The following AGBL3 variants were observed in gnomAD, a reference collection of about 807,000 sequenced individuals.
AGBL3 encodes the protein cytosolic carboxypeptidase 3.
AGBL3 carries 68 observed loss-of-function variants against 94.5 expected under a neutral mutation model. That is an observed-to-expected ratio of 0.72 (90% CI 0.59 to 0.88). The LOEUF (loss-of-function observed/expected upper bound fraction) is 0.88. Ranked by LOEUF, AGBL3 falls within the 40% of genes least tolerant of loss-of-function variation. The pLI, the probability that AGBL3 is intolerant of heterozygous loss-of-function variation, is 0.00. For missense variants in AGBL3, 934 were observed against 1,103.8 expected (o/e 0.85, Z 2.18); for synonymous variants, 354 against 370.7 (o/e 0.95, Z 0.52).
intron 15 of AGBL3, among the ~76,000 whole-genome samples, chr7:135,096,584 CATAGATAG>C (rs71172496): frequency 3.0e-4 from 27 of 88,856 alleles, no homozygotes; most frequent in African/African-American, 1.1e-3. Context: ...TAGATAGATA[CATAGATAG>C]ATAGATAGAT....
At chr7:135,015,962 C>T (rs1430664250) in intron 4 of AGBL3, among the ~76,000 whole-genome samples, 1 of 150,092 alleles carries the variant, frequency 6.7e-6, no homozygotes, top group African/African-American at 2.5e-5. Flanking sequence ...ACCCGGGAGG[C>T]GGAGCTTGCA....
rs1828383647 is a variant in AGBL3, at chr7:135,129,232, C to T, written c.2343-5609C>T. On this transcript the variant is annotated intron_variant, in intron 16 of 16. Coordinates refer to ENST00000436302, the MANE Select transcript of AGBL3 (RefSeq NM_178563.4). ...TGCCAGCTGCCTGTGATGCAGGAGC[C>T]TGGCTACATCATGGGTATCTGCTCC... 2.7e-6 allele frequency: 4 copies of T among 1,473,582 alleles called. No homozygotes were observed. In the South Asian group the frequency reaches 3.4e-5, roughly 13 times the overall value. The allele number at this position is 1,473,582 out of a possible 1,614,324, so 91.3% of individuals were successfully genotyped here.
intron 13 of AGBL3, among the ~76,000 whole-genome samples, chr7:135,076,898 AAAC>A (rs1820505883): frequency 1.3e-5 from 2 of 151,312 alleles, no homozygotes; most frequent in Non-Finnish European, 3.0e-5. Context: ...CAACAACAAC[AAAC>A]AACAACAGAT....
chr7:135,069,151 G>A (rs1819644175), intron 12 of AGBL3, among the ~76,000 whole-genome samples: 4 of 152,170 alleles, frequency 2.6e-5, no homozygotes, highest in Admixed American at 2.6e-4. Context: ...TAATGGTAAA[G>A]GGATCAATTC....
chr7:135,034,651 C>G lies in AGBL3; in HGVS notation c.1060C>G (p.Arg354Gly). ...TPLKNSDSRK[R>G]KAVILTARVH... ...CTTGAAGAACTCTGACTCAAGAAAG[C>G]GGAAGGCTGTGATTCTGACTGCAAG... Residue 354 changes from arginine to glycine, a missense_variant, in exon 7 of 17, where the codon CGG becomes GGG. Transcript: ENST00000436302. 1.3e-6 allele frequency: 2 copies of G among 1,551,592 alleles called. No homozygotes were observed. The highest frequency in any genetic ancestry group is 2.4e-5 in the South Asian group (2 of 84,058).
intron 12 of AGBL3, among the ~76,000 whole-genome samples, chr7:135,075,579 T>C (rs966840696): frequency 1.3e-5 from 2 of 152,226 alleles, no homozygotes; most frequent in African/African-American, 4.8e-5. Context: ...TTCCCTGAGA[T>C]AAAAACCCAG....
intron 4 of AGBL3, among the ~76,000 whole-genome samples, chr7:135,013,161 T>G (rs1275819684): frequency 2.0e-5 from 3 of 152,156 alleles, no homozygotes; most frequent in Non-Finnish European, 4.4e-5. Context: ...AATAATCATA[T>G]GAAAACATTT....
At chr7:135,052,543 A>G (rs1817972940) in intron 11 of AGBL3, among the ~76,000 whole-genome samples, 1 of 152,064 alleles carries the variant, frequency 6.6e-6, no homozygotes, top group Non-Finnish European at 1.5e-5. Context: ...TATAGTGCCC[A>G]ATAGGTAGTT....
intron 12 of AGBL3, among the ~76,000 whole-genome samples, chr7:135,063,003 G>C (rs769865333): frequency 6.6e-6 from 1 of 152,032 alleles, no homozygotes. Context: ...GCTTTTCTTT[G>C]ATGGGAAACT....
chr7:135,012,273 G>T (rs1320353158), intron 4 of AGBL3: 4 of 152,066 alleles, frequency 2.6e-5, no homozygotes, highest in African/African-American at 9.7e-5. Flanking sequence ...TGAATGCTTA[G>T]GTGGTAAAAT....
intron 13 of AGBL3, among the ~76,000 whole-genome samples, chr7:135,079,521 AG>A (rs1235974084): frequency 6.6e-6 from 1 of 152,076 alleles, no homozygotes; most frequent in East Asian, 1.9e-4. Flanking sequence ...GCTGGAGTGC[AG>A]TGGCGCCATG....
chr7:135,089,597 T>C (rs1238535367), intron 15 of AGBL3, among the ~76,000 whole-genome samples: 1 of 152,226 alleles, frequency 6.6e-6, no homozygotes, highest in Non-Finnish European at 1.5e-5. Context: ...TGGTATAGTC[T>C]CCATGAAGTT....
chr7:135,051,868 A>C (rs956952782), intron 11 of AGBL3, among the ~76,000 whole-genome samples: 1 of 152,128 alleles, frequency 6.6e-6, no homozygotes, highest in Admixed American at 6.6e-5. Context: ...TTTCTTTGTA[A>C]TTCTTTTTAA....
intron 6 of AGBL3, 89 bp from the exon 7 acceptor site, chr7:135,034,060 T>C: frequency 8.7e-7 from 1 of 1,155,670 alleles, no homozygotes; most frequent in African/African-American, 1.6e-5. Context: ...TAATTTTCCT[T>C]ATTTAACTCA....
Position 134,993,562 on chromosome 7 carries a change from G to A in AGBL3, c.194G>A (p.Trp65Ter). Reference sequence around the variant, plus strand: ...CTATTAGAATATCAGCTAGGGAGATGGGTGCCACGTCTTCGTGAACCAAGG... The same window carrying A: ...CTATTAGAATATCAGCTAGGGAGATAGGTGCCACGTCTTCGTGAACCAAGG... ...QILLEYQLGR[W>*]VPRLREPRDL... The change falls in exon 4 of 17, where the codon TGG becomes TAG. Residue 65 changes from tryptophan (W) to a stop codon, truncating the protein, a stop_gained. Coordinates refer to ENST00000436302, the MANE Select transcript of AGBL3 (RefSeq NM_178563.4). LOFTEE classifies it high-confidence loss of function. 3 of 1,551,808 alleles carry A rather than the reference G, an allele frequency of 1.9e-6. No homozygotes were observed. The highest frequency in any genetic ancestry group is 1.7e-4 in the Middle Eastern group (1 of 5,994).
intron 4 of AGBL3, among the ~76,000 whole-genome samples, chr7:134,994,277 C>G (rs1324484292): frequency 1.3e-5 from 2 of 151,336 alleles, no homozygotes; most frequent in African/African-American, 4.9e-5. Context: ...TCCTTTTTTC[C>G]TCTTTTCCTC....
rs1253022499 is a variant in AGBL3 at position 135,019,988 on chromosome 7, G to A, written c.418+2829G>A. On this transcript the variant is annotated intron_variant, in intron 5 of 16. Coordinates refer to ENST00000436302, the MANE Select transcript of AGBL3 (RefSeq NM_178563.4). ...AAGAAAACCTAGGCAATACCATTCA[G>A]GACATAGGCATGGGCAAGGATTTCA... Among the ~76,000 whole-genome samples, 4 of 152,132 alleles carry A rather than the reference G, an allele frequency of 2.6e-5. 1 individual carries two copies. In the South Asian group the frequency reaches 8.3e-4, roughly 32 times the overall value.
intron 12 of AGBL3, among the ~76,000 whole-genome samples, chr7:135,068,638 C>A (rs931948592): frequency 6.6e-6 from 1 of 152,160 alleles, no homozygotes; most frequent in Non-Finnish European, 1.5e-5. Flanking sequence ...CCAAACTAAA[C>A]TTCATAAGTG....
intron 15 of AGBL3, among the ~76,000 whole-genome samples, chr7:135,111,559 A>G (rs953859972): frequency 6.6e-6 from 1 of 151,716 alleles, no homozygotes; most frequent in Non-Finnish European, 1.5e-5. Context: ...ACTTATCCTA[A>G]TGTTGTACAC....
Sources: gnomAD v4.1 joint callset for allele counts (sites outside exome capture counted in the v4.1 genomes callset) on GRCh38, gnomAD v4.1.1 for gene constraint, MANE v1.5 for transcripts, NCBI Gene and HGNC (gene_info 2026-07-23, HGNC 2026-07-21) for gene names.